Variants in CDYL2 observed in about 807,000 individuals in gnomAD.
The protein encoded by CDYL2 is chromodomain Y like 2.
A neutral mutation model predicts 49.4 loss-of-function variants in CDYL2; 23 were observed. The observed-to-expected ratio is 0.47, with a 90% CI of 0.34 to 0.66. The LOEUF is 0.66. Among genes scored for constraint, CDYL2 ranks in the 30% least tolerant of loss-of-function variants. The pLI is 0.01. For synonymous variants in CDYL2, 360 were observed against 268.8 expected, an observed-to-expected ratio of 1.34 and a Z score of -3.32; for missense variants, 678 against 656.4, an observed-to-expected ratio of 1.03 and a Z score of -0.36.
chr16:80,636,070 G>C (rs1290843398), intron 2 of CDYL2, among the ~76,000 whole-genome samples: 1 of 152,032 alleles, frequency 6.6e-6, no homozygotes, highest in African/African-American at 2.4e-5. Flanking sequence ...AACTCAAGAT[G>C]GATTAGACTT....
intron 1 of CDYL2, among the ~76,000 whole-genome samples, chr16:80,801,581 C>G (rs564004134): frequency 3.7e-4 from 57 of 152,314 alleles, no homozygotes; most frequent in African/African-American, 1.2e-3. Context: ...CCACTAAAAA[C>G]GTGGTTTCTT....
At chr16:80,606,010 G>A (rs1026538599) in intron 6 of CDYL2, among the ~76,000 whole-genome samples, 24 of 152,364 alleles carry the variant, frequency 1.6e-4, no homozygotes, top group Non-Finnish European at 2.8e-4. Context: ...TCTGGCAGAC[G>A]TTACAGCCAG....
intron 1 of CDYL2, among the ~76,000 whole-genome samples, chr16:80,695,380 C>T (rs992685782): frequency 7.2e-5 from 11 of 152,298 alleles, no homozygotes; most frequent in African/African-American, 2.6e-4. Context: ...AAGCAAATGA[C>T]AAGAGTAAGT....
chr16:80,781,853 G>C lies in CDYL2; in HGVS notation c.24+22297C>G, dbSNP rs1269623195. 2.6e-5 allele frequency among the ~76,000 whole-genome samples: 4 copies of C among 151,748 alleles called. No homozygotes were observed. The East Asian group carries it at 7.7e-4, about 29-fold the overall frequency. On this transcript the variant is annotated intron_variant, in intron 1 of 6. Transcript: ENST00000570137. ...ACTTAGGAAATATCTTGAGACAAAA[G>C]AAAACAAAACATACTAATACTGCAA...
At chr16:80,775,244 T>C (rs2439072) in intron 1 of CDYL2, among the ~76,000 whole-genome samples, 1 of 151,716 alleles carries the variant, frequency 6.6e-6, no homozygotes, top group Non-Finnish European at 1.5e-5. Context: ...TATAAGTAAA[T>C]TTATATTTAA....
At chr16:80,629,693 T>G (rs995938612) in intron 3 of CDYL2, among the ~76,000 whole-genome samples, 2 of 152,236 alleles carry the variant, frequency 1.3e-5, no homozygotes, top group African/African-American at 4.8e-5. Context: ...ATCTACTTAA[T>G]GCACACAGTA....
intron 1 of CDYL2, among the ~76,000 whole-genome samples, chr16:80,744,953 G>A (rs996769613): frequency 2.6e-5 from 4 of 152,188 alleles, no homozygotes; most frequent in African/African-American, 9.7e-5. Flanking sequence ...GGATGCCTCT[G>A]TAAACAGAAA....
Position 80,614,257 on chromosome 16 carries a change from G to A in CDYL2, c.1008-1421C>T, listed in dbSNP as rs115509225. On this transcript the variant is annotated intron_variant, in intron 4 of 6. Transcript: ENST00000570137. Reference sequence around the variant, plus strand: ...GGTCTGCTGGCCGGCCACATTTCCCGTCTCCGACTGCATGTGGCTGTGGCC... The same window carrying A: ...GGTCTGCTGGCCGGCCACATTTCCCATCTCCGACTGCATGTGGCTGTGGCC... Among the ~76,000 whole-genome samples, 485 of 152,270 alleles carry A rather than the reference G, an allele frequency of 3.2e-3. 5 individuals are homozygous for A. Among genetic ancestry groups the A allele is most frequent in the African/African-American group, 0.011 (450 of 41,544 alleles).
At chr16:80,605,278 T>C (rs189261799) in intron 6 of CDYL2, among the ~76,000 whole-genome samples, 13 of 149,776 alleles carry the variant, frequency 8.7e-5, no homozygotes, top group Admixed American at 2.0e-4. Flanking sequence ...ATTATATACA[T>C]TATATATACG....
chr16:80,796,171 C>G (rs1273118322), intron 1 of CDYL2, among the ~76,000 whole-genome samples: 1 of 152,214 alleles, frequency 6.6e-6, no homozygotes, highest in Non-Finnish European at 1.5e-5. Flanking sequence ...TACTTGGGCC[C>G]AGGCTAAAGC....
rs569373134 is a variant in CDYL2, at chr16:80,749,741, TA to T, written c.24+54408del. On this transcript the variant is annotated intron_variant, in intron 1 of 6. Transcript: ENST00000570137. ...ATATGAAAATTTTTTTAAAAAAATTTAAAAAAAAGCATACATGTGCATGTGC... is the reference window on the plus strand; with the variant it reads ...ATATGAAAATTTTTTTAAAAAAATTTAAAAAAAGCATACATGTGCATGTGC... 6.0e-3 allele frequency among the ~76,000 whole-genome samples: 913 copies of T among 151,850 alleles called. 9 individuals carry two copies. Among genetic ancestry groups the T allele is most frequent in the African/African-American group, 0.021 (885 of 41,372 alleles).
intron 1 of CDYL2, among the ~76,000 whole-genome samples, chr16:80,797,888 C>T (rs1210085653): frequency 6.6e-6 from 1 of 152,200 alleles, no homozygotes; most frequent in African/African-American, 2.4e-5. Flanking sequence ...ATCTAATCCA[C>T]TGTTAACTTT....
intron 1 of CDYL2, among the ~76,000 whole-genome samples, chr16:80,765,117 TA>T (rs1242475023): frequency 6.3e-4 from 91 of 144,838 alleles, no homozygotes; most frequent in Non-Finnish European, 1.2e-3. Flanking sequence ...ATATATTGTA[TA>T]ACATATAGTA....
intron 1 of CDYL2, among the ~76,000 whole-genome samples, chr16:80,776,362 G>C (rs1220401628): frequency 6.6e-6 from 1 of 151,930 alleles, no homozygotes; most frequent in Non-Finnish European, 1.5e-5. Flanking sequence ...ATATACACTA[G>C]GATTCAGGAA....
At chr16:80,709,669 AG>A (rs1478943954) in intron 1 of CDYL2, among the ~76,000 whole-genome samples, 1 of 152,114 alleles carries the variant, frequency 6.6e-6, no homozygotes, top group African/African-American at 2.4e-5. Context: ...CACAACTTTC[AG>A]AAAAACCTAT....
chr16:80,702,062 T>C (rs542232870), intron 1 of CDYL2, among the ~76,000 whole-genome samples: 2 of 152,120 alleles, frequency 1.3e-5, no homozygotes, highest in East Asian at 1.9e-4. Flanking sequence ...ATAAGTGGGA[T>C]TGGGGCAATT....
At chr16:80,656,617 G>A (rs776558785) in intron 2 of CDYL2, among the ~76,000 whole-genome samples, 16 of 152,262 alleles carry the variant, frequency 1.1e-4, no homozygotes, top group Non-Finnish European at 2.2e-4. Context: ...CTCCTTTAGC[G>A]TACAAAGGAG....
intron 1 of CDYL2, among the ~76,000 whole-genome samples, chr16:80,739,604 AG>A: frequency 6.6e-6 from 1 of 152,316 alleles, no homozygotes; most frequent in African/African-American, 2.4e-5. Flanking sequence ...CCAGCACACC[AG>A]AGAGACCCTA....
At chr16:80,753,936 T>TA (rs998032848) in intron 1 of CDYL2, among the ~76,000 whole-genome samples, 44 of 152,240 alleles carry the variant, frequency 2.9e-4, no homozygotes, top group African/African-American at 1.0e-3. Flanking sequence ...AAAGCCAGGG[T>TA]AAAAAACCAG....
Sources: allele counts gnomAD v4.1 joint callset (sites outside exome capture counted in the v4.1 genomes callset), GRCh38; gene constraint gnomAD v4.1.1; transcripts MANE v1.5; gene names NCBI Gene and HGNC (gene_info 2026-07-23, HGNC 2026-07-21).